NME7: variants seen among roughly 807,000 people sequenced by gnomAD.
NME7 encodes NME/NM23 family member 7.
NME7 carries 41 observed loss-of-function variants against 49.1 expected under a neutral mutation model. That is an observed-to-expected ratio of 0.83 (90% CI 0.65 to 1.08). NME7 has a LOEUF of 1.08. Ranked by LOEUF, NME7 falls within the 50% of genes least tolerant of loss-of-function variation. The pLI is 0.00. For synonymous variants in NME7, 139 were observed against 150.6 expected (o/e 0.92, Z 0.56); for missense variants, 423 against 463.4 (o/e 0.91, Z 0.80).
At chr1:169,297,237 G>A (rs1650747081) in intron 6 of NME7, among the ~76,000 whole-genome samples, 1 of 152,078 alleles carries the variant, frequency 6.6e-6, no homozygotes, top group Non-Finnish European at 1.5e-5. Flanking sequence ...GCCTCCCAAA[G>A]TGCTGGGATT....
At chr1:169,234,714 T>A (rs1647785979) in intron 9 of NME7, among the ~76,000 whole-genome samples, 1 of 152,056 alleles carries the variant, frequency 6.6e-6, no homozygotes, top group African/African-American at 2.4e-5. Context: ...AGCATCTGAC[T>A]CTACAGAGGG....
chr1:169,270,753 TA>T (rs1429599083), intron 7 of NME7, among the ~76,000 whole-genome samples: 1 of 133,304 alleles, frequency 7.5e-6, no homozygotes, highest in African/African-American at 2.5e-5. Flanking sequence ...ACTTAATCCT[TA>T]GTTACCCCAT....
chr1:169,164,237 T>A (rs932448331), intron 11 of NME7, among the ~76,000 whole-genome samples: 6 of 152,096 alleles, frequency 3.9e-5, no homozygotes, highest in Non-Finnish European at 8.8e-5. Flanking sequence ...CTCTATAAAG[T>A]GTGACATACT....
intron 10 of NME7, among the ~76,000 whole-genome samples, chr1:169,169,827 T>C (rs1472862850): frequency 1.3e-5 from 2 of 152,170 alleles, no homozygotes; most frequent in African/African-American, 4.8e-5. Context: ...ATAAAGACAG[T>C]AGAGATCTTA....
intron 1 of NME7, among the ~76,000 whole-genome samples, chr1:169,333,221 C>T (rs555843668): frequency 1.3e-5 from 2 of 152,030 alleles, no homozygotes; most frequent in African/African-American, 4.8e-5. Context: ...ACAAACATCA[C>T]ATGTTCTCAC....
intron 1 of NME7, among the ~76,000 whole-genome samples, chr1:169,364,148 C>A (rs1244644371): frequency 6.6e-6 from 1 of 152,160 alleles, no homozygotes; most frequent in African/African-American, 2.4e-5. Context: ...TGTATTCATT[C>A]CGCAAACATT....
intron 1 of NME7, among the ~76,000 whole-genome samples, chr1:169,349,567 T>A (rs1653076445): frequency 6.6e-6 from 1 of 152,148 alleles, no homozygotes; most frequent in South Asian, 2.1e-4. Context: ...AACAATAATT[T>A]AAAAAATGCT....
intron 11 of NME7, among the ~76,000 whole-genome samples, chr1:169,157,965 A>G (rs1659126162): frequency 6.6e-6 from 1 of 152,196 alleles, no homozygotes; most frequent in African/African-American, 2.4e-5. Context: ...CCTTTGTGAG[A>G]TGCACAGTTT....
intron 3 of NME7, among the ~76,000 whole-genome samples, chr1:169,321,448 C>A (rs1259590373): frequency 6.6e-6 from 1 of 152,166 alleles, no homozygotes; most frequent in African/African-American, 2.4e-5. Flanking sequence ...ATAGTATGTG[C>A]TCCATAAATG....
chr1:169,313,687 A>G (rs780118603), intron 3 of NME7, among the ~76,000 whole-genome samples: 1 of 152,172 alleles, frequency 6.6e-6, no homozygotes, highest in African/African-American at 2.4e-5. Context: ...ACATACACAC[A>G]TACAGGGAAA....
Position 169,235,150 on chromosome 1 carries a change from C to T in NME7, c.869G>A (p.Gly290Glu). ...NVEEFYEVYK[G>E]VVTEYHDMVT... ...ACTTACATGATATTCGGTCACTACTCCTTTATAAACTTCATAGAATTCCTC... is the reference window on the plus strand; with the variant it reads ...ACTTACATGATATTCGGTCACTACTTCTTTATAAACTTCATAGAATTCCTC... Residue 290 changes from glycine to glutamate, a missense_variant, in exon 9 of 12, where the codon GGA becomes GAA. Gly to Glu is a moderately conservative substitution (Grantham distance 98). Coordinates refer to ENST00000367811, the MANE Select transcript of NME7 (RefSeq NM_013330.5). 2 of 1,531,172 alleles carry T rather than the reference C, an allele frequency of 1.3e-6. No homozygotes were observed. The highest frequency in any genetic ancestry group is 1.8e-6 in the Non-Finnish European group (2 of 1,115,292). 94.8% of individuals were successfully genotyped at this position (1,531,172 alleles called of 1,614,324 possible).
intron 10 of NME7, among the ~76,000 whole-genome samples, chr1:169,177,777 C>T (rs1659798331): frequency 6.6e-6 from 1 of 152,110 alleles, no homozygotes; most frequent in Non-Finnish European, 1.5e-5. Context: ...GCACCAAGCT[C>T]TTTCCTACCT....
At chr1:169,365,170 A>T (rs1653805975) in intron 1 of NME7, among the ~76,000 whole-genome samples, 1 of 152,158 alleles carries the variant, frequency 6.6e-6, no homozygotes, top group Non-Finnish European at 1.5e-5. Flanking sequence ...GACAGTTTGG[A>T]AACACCTATA....
At chr1:169,187,682 G>T (rs958507446) in intron 10 of NME7, among the ~76,000 whole-genome samples, 7 of 152,122 alleles carry the variant, frequency 4.6e-5, no homozygotes, top group Non-Finnish European at 1.0e-4. Flanking sequence ...ACAGCACACT[G>T]ATGGGTCTTG....
At chr1:169,323,020 T>C in intron 3 of NME7, 97 bp downstream of exon 3, 1 of 947,222 alleles carries the variant, frequency 1.1e-6, no homozygotes, top group Admixed American at 3.5e-5. Context: ...CCAGGTCCTA[T>C]CCATCCTCAT....
At chr1:169,176,908 GT>G (rs1190359328) in intron 10 of NME7, among the ~76,000 whole-genome samples, 2 of 151,960 alleles carry the variant, frequency 1.3e-5, no homozygotes, top group African/African-American at 2.4e-5. Flanking sequence ...AGAGGATTGG[GT>G]TTTTTGGTAA....
At chr1:169,323,379 T>C (rs1571388712) in intron 2 of NME7, 96 bp from the exon 3 acceptor site, 2 of 1,022,020 alleles carry the variant, frequency 2.0e-6, no homozygotes, top group Non-Finnish European at 2.7e-6. Flanking sequence ...CTTAATTCTG[T>C]CTTATCAAAG....
intron 7 of NME7, among the ~76,000 whole-genome samples, chr1:169,242,606 TAC>T (rs1380142093): frequency 6.6e-6 from 1 of 151,598 alleles, no homozygotes; most frequent in Non-Finnish European, 1.5e-5. Context: ...ATAAAAAGTA[TAC>T]AGACAAGAAA....
At chr1:169,177,290 T>C (rs1659780857) in intron 10 of NME7, among the ~76,000 whole-genome samples, 1 of 152,192 alleles carries the variant, frequency 6.6e-6, no homozygotes, top group African/African-American at 2.4e-5. Flanking sequence ...TCGGCTTCTA[T>C]ATCCACTCTA....
Sources: allele counts gnomAD v4.1 joint callset (sites outside exome capture counted in the v4.1 genomes callset), GRCh38; gene constraint gnomAD v4.1.1; transcripts MANE v1.5; gene names NCBI Gene and HGNC (gene_info 2026-07-23, HGNC 2026-07-21).